The following HEATR5B variants were observed in gnomAD, a reference collection of about 807,000 sequenced individuals.
The protein encoded by HEATR5B is HEAT repeat containing 5B.
A neutral mutation model predicts 224.1 loss-of-function variants in HEATR5B; 156 were observed. The observed-to-expected ratio is 0.70, with a 90% CI of 0.61 to 0.80. The LOEUF (loss-of-function observed/expected upper bound fraction) is 0.80, where lower values mean the gene tolerates loss of function less well. Ranked by LOEUF, HEATR5B falls within the 30% of genes least tolerant of loss-of-function variation. The pLI is 0.00. For synonymous variants in HEATR5B, 1,027 were observed against 893.0 expected (o/e 1.15, Z -2.68); for missense variants, 2,323 against 2,535.5 (o/e 0.92, Z 1.80).
At chr2:37,040,565 T>A in intron 19 of HEATR5B, 47 bp from the exon 20 acceptor site, 1 of 1,420,620 alleles carries the variant, frequency 7.0e-7, no homozygotes, top group Non-Finnish European at 9.8e-7. Context: ...AGAATTCGAA[T>A]GTACTGAATT....
chr2:36,997,885 T>G (rs975361221), intron 33 of HEATR5B, among the ~76,000 whole-genome samples: 4 of 152,202 alleles, frequency 2.6e-5, no homozygotes, highest in African/African-American at 9.6e-5. Context: ...CATTCTAACG[T>G]AAAACATTCA....
chr2:37,063,448 A>G (rs1671404831), intron 10 of HEATR5B, among the ~76,000 whole-genome samples: 1 of 152,250 alleles, frequency 6.6e-6, no homozygotes, highest in Admixed American at 6.5e-5. Flanking sequence ...AAAGGAGATT[A>G]TATTTTACTC....
chr2:37,034,094 A>G (rs980344286), intron 21 of HEATR5B, among the ~76,000 whole-genome samples: 18 of 151,842 alleles, frequency 1.2e-4, no homozygotes, highest in Non-Finnish European at 2.5e-4. Flanking sequence ...AATTCAAGAT[A>G]TACTTGCATA....
intron 18 of HEATR5B, among the ~76,000 whole-genome samples, chr2:37,044,059 T>C (rs1299475861): frequency 2.6e-5 from 4 of 152,212 alleles, no homozygotes; most frequent in Admixed American, 2.6e-4. Context: ...CAAGATGTAA[T>C]CAATATACCA....
At position 37,054,183 on chromosome 2, in the gene HEATR5B, G is replaced by T. The variant is rs1186899437; in HGVS notation, c.2400-576C>A. 3.6e-5 allele frequency among the ~76,000 whole-genome samples: 5 copies of T among 137,556 alleles called. No individual in the cohort carries two copies. The East Asian group carries it at 6.4e-4, about 18-fold the overall frequency. The allele number at this position is 137,556 out of a possible 152,430, so 90.2% of individuals were successfully genotyped here. ...AAAAAAATCCATGGCCATCTTAGAT[G>T]ATTTCTCTGTTTTTTTTTTTTTTTT... On this transcript the variant is annotated intron_variant, in intron 16 of 35. Transcript: ENST00000233099.
chr2:37,016,059 A>C (rs1175855556), intron 26 of HEATR5B, among the ~76,000 whole-genome samples: 1 of 151,896 alleles, frequency 6.6e-6, no homozygotes, highest in African/African-American at 2.4e-5. Context: ...TCAAGAAGGA[A>C]GGGGTGGTCT....
At chr2:37,070,207 T>C in intron 7 of HEATR5B, 23 bp downstream of exon 7, 1 of 1,612,576 alleles carries the variant, frequency 6.2e-7, no homozygotes, top group Non-Finnish European at 8.5e-7. Flanking sequence ...GCCAAAATTC[T>C]TTCACACATA....
At chr2:37,069,184 A>G (rs1177733902) in intron 7 of HEATR5B, among the ~76,000 whole-genome samples, 2 of 152,242 alleles carry the variant, frequency 1.3e-5, no homozygotes, top group Non-Finnish European at 2.9e-5. Context: ...GTGAGAGGGA[A>G]GGGAAGCTGA....
chr2:36,996,313 C>G (rs746382210), intron 33 of HEATR5B, among the ~76,000 whole-genome samples: 8 of 151,986 alleles, frequency 5.3e-5, no homozygotes, highest in Non-Finnish European at 1.2e-4. Context: ...CCTGCCTTGG[C>G]CTCTCAAAGT....
At chr2:37,044,659 A>T (rs1187511764) in intron 18 of HEATR5B, among the ~76,000 whole-genome samples, 1 of 152,200 alleles carries the variant, frequency 6.6e-6, no homozygotes, top group African/African-American at 2.4e-5. Context: ...AGAAGCATAT[A>T]TTTACATTTA....
chr2:36,993,796 C>T (rs746625635), intron 33 of HEATR5B, among the ~76,000 whole-genome samples: 1 of 151,046 alleles, frequency 6.6e-6, no homozygotes, highest in African/African-American at 2.4e-5. Flanking sequence ...AGTATTCCTG[C>T]CAAGATGCAT....
intron 33 of HEATR5B, among the ~76,000 whole-genome samples, chr2:36,996,595 A>G (rs1442570571): frequency 6.6e-6 from 1 of 150,804 alleles, no homozygotes; most frequent in Non-Finnish European, 1.5e-5. Context: ...TTTTGTATAT[A>G]TATATATTTT....
intron 8 of HEATR5B, among the ~76,000 whole-genome samples, chr2:37,066,212 A>C (rs1671579067): frequency 6.6e-6 from 1 of 152,170 alleles, no homozygotes; most frequent in Admixed American, 6.5e-5. Context: ...CAGAAAGAAG[A>C]CTCGGGTTCA....
chr2:37,033,034 C>T (rs553273985), intron 21 of HEATR5B, among the ~76,000 whole-genome samples: 44 of 152,120 alleles, frequency 2.9e-4, no homozygotes, highest in African/African-American at 9.2e-4. Context: ...GTGCCTGCCA[C>T]CACACCTGGC....
rs74863402 is a variant in HEATR5B at position 37,055,063 on chromosome 2, C to T, written c.2399+1377G>A. 5.0e-3 allele frequency: 1,967 copies of T among 391,656 alleles called. 40 individuals are homozygous for T. The highest frequency in any genetic ancestry group is 0.039 in the African/African-American group (1,793 of 45,808). The allele number at this position is 391,656 out of a possible 1,614,324, so 24.3% of individuals were successfully genotyped here. On this transcript the variant is annotated intron_variant, in intron 16 of 35. Transcript: ENST00000233099. Reference sequence around the variant, plus strand: ...ACATTTTGATGTACTTTAAAAAATTCTTAAAAGTAAGTAAGTACCTTTTGT... The same window carrying T: ...ACATTTTGATGTACTTTAAAAAATTTTTAAAAGTAAGTAAGTACCTTTTGT...
At chr2:36,987,337 G>T (rs1446913543) in intron 35 of HEATR5B, among the ~76,000 whole-genome samples, 1 of 151,576 alleles carries the variant, frequency 6.6e-6, no homozygotes, top group Non-Finnish European at 1.5e-5. Flanking sequence ...GCTGAGGCAG[G>T]AGAATCACTT....
intron 12 of HEATR5B, among the ~76,000 whole-genome samples, chr2:37,059,516 T>C (rs1202439061): frequency 7.6e-6 from 1 of 131,134 alleles, no homozygotes; most frequent in Non-Finnish European, 1.5e-5. Context: ...CAGGCTGGAG[T>C]GCAGTGGCGG....
intron 16 of HEATR5B, among the ~76,000 whole-genome samples, chr2:37,055,338 T>G (rs772023608): frequency 1.3e-4 from 20 of 152,156 alleles, no homozygotes; most frequent in Non-Finnish European, 2.5e-4. Context: ...CATCTTATTC[T>G]GTAAAAGTGA....
rs1465445427 is a variant in HEATR5B at position 37,005,757 on chromosome 2, C to T, written c.4780G>A (p.Val1594Met). ...NKDRMHLILG[V>M]SIQFLCSPRP... is the part of the protein sequence containing the mutation. ...GGGGAACAAAGAAACTGTATACTCA[C>T]ACCTGAAATGCACAAAATAAAAACA... is the stretch of plus-strand genomic sequence containing the variant. The change falls in exon 30 of 36, where the codon GTG (valine) becomes ATG (methionine). Residue 1594 changes from valine (V) to methionine (M), a missense_variant and splice_region_variant. Val to Met is a conservative substitution (Grantham distance 21). Transcript: ENST00000233099. 1.3e-6 allele frequency: 2 copies of T among 1,576,382 alleles called. No individual in the cohort carries two copies. The highest frequency in any genetic ancestry group is 1.4e-5 in the African/African-American group (1 of 72,832).
Sources: allele counts gnomAD v4.1 joint callset (sites outside exome capture counted in the v4.1 genomes callset), GRCh38; gene constraint gnomAD v4.1.1; transcripts MANE v1.5; gene names NCBI Gene and HGNC (gene_info 2026-07-23, HGNC 2026-07-21).